Variants in PRKCB observed in about 807,000 individuals in gnomAD.
PRKCB encodes protein kinase C beta type.
Under a neutral mutation model 81.5 loss-of-function variants are expected in PRKCB, and 13 were observed. The ratio of observed to expected loss-of-function variants is 0.16; its 90% confidence interval spans 0.10 to 0.25. The LOEUF is 0.25. Ranked by LOEUF, PRKCB falls within the 10% of genes least tolerant of loss-of-function variation. The pLI, the probability that PRKCB is intolerant of heterozygous loss-of-function variation, is 1.00. For synonymous variants in PRKCB, 335 were observed against 321.4 expected (o/e 1.04, Z -0.45); for missense variants, 509 against 875.7 (o/e 0.58, Z 5.29).
At chr16:24,058,126 G>A (rs1965927906) in intron 5 of PRKCB, among the ~76,000 whole-genome samples, 1 of 152,066 alleles carries the variant, frequency 6.6e-6, no homozygotes, top group Non-Finnish European at 1.5e-5. Context: ...AGCTTGGGTT[G>A]CTTTTCCTTG....
chr16:24,065,159 A>G (rs949520069), intron 5 of PRKCB, among the ~76,000 whole-genome samples: 5 of 151,018 alleles, frequency 3.3e-5, no homozygotes, highest in Admixed American at 1.3e-4. Context: ...CAGTCTGACA[A>G]TAGTTGATTT....
chr16:24,196,056 C>G (rs995340637), intron 16 of PRKCB, among the ~76,000 whole-genome samples: 1 of 152,196 alleles, frequency 6.6e-6, no homozygotes, highest in South Asian at 2.1e-4. Context: ...CTTGTTGATT[C>G]CTGAGTAGAT....
At chr16:23,966,049 G>T (rs1186204102) in intron 2 of PRKCB, among the ~76,000 whole-genome samples, 3 of 152,172 alleles carry the variant, frequency 2.0e-5, no homozygotes, top group African/African-American at 7.2e-5. Flanking sequence ...GGGGTAAGAG[G>T]GCCATTAAGC....
chr16:24,001,184 T>G (rs1965029910), intron 3 of PRKCB, among the ~76,000 whole-genome samples: 1 of 152,184 alleles, frequency 6.6e-6, no homozygotes, highest in African/African-American at 2.4e-5. Context: ...ATAGCTAACT[T>G]TATTGAACAG....
intron 3 of PRKCB, among the ~76,000 whole-genome samples, chr16:24,011,822 G>C (rs914098815): frequency 4.6e-5 from 7 of 152,176 alleles, no homozygotes; most frequent in African/African-American, 1.7e-4. Context: ...TGACCTCTCT[G>C]TTCCTGTTTC....
intron 2 of PRKCB, among the ~76,000 whole-genome samples, chr16:23,933,902 CCCAT>C (rs200319303): frequency 4.5e-5 from 6 of 132,584 alleles, no homozygotes; most frequent in East Asian, 2.3e-4. Context: ...CAATTTTCTA[CCCAT>C]CCATCCATCC....
intron 3 of PRKCB, among the ~76,000 whole-genome samples, chr16:24,013,781 CA>C (rs35383807): frequency 1.6e-3 from 221 of 137,960 alleles, no homozygotes; most frequent in African/African-American, 3.0e-3. Context: ...TGTGGAATTG[CA>C]AAAAAAAAAA....
chr16:24,122,252 G>A (rs1292545613), intron 8 of PRKCB, among the ~76,000 whole-genome samples: 1 of 152,072 alleles, frequency 6.6e-6, no homozygotes, highest in Non-Finnish European at 1.5e-5. Flanking sequence ...CATGTTTGGT[G>A]CATTCAGAGA....
Position 24,022,653 on chromosome 16 carries a change from G to A in PRKCB, c.289-9483G>A, listed in dbSNP as rs562299303. On this transcript the variant is annotated intron_variant, in intron 3 of 16. Coordinates refer to ENST00000643927, the MANE Select transcript of PRKCB (RefSeq NM_002738.7). Reference sequence around the variant, plus strand: ...ACTAGAGGTGCATGCCGCCACGCCCGGCTAATTCTTTTTGTATTTTTAGTA... The same window carrying A: ...ACTAGAGGTGCATGCCGCCACGCCCAGCTAATTCTTTTTGTATTTTTAGTA... 4.5e-3 allele frequency among the ~76,000 whole-genome samples: 682 copies of A among 152,014 alleles called. 6 individuals carry two copies. Among genetic ancestry groups the A allele is most frequent in the Non-Finnish European group, 5.1e-3 (350 of 67,972 alleles).
At chr16:24,008,989 T>C (rs1032192521) in intron 3 of PRKCB, among the ~76,000 whole-genome samples, 4 of 152,220 alleles carry the variant, frequency 2.6e-5, no homozygotes, top group Non-Finnish European at 4.4e-5. Flanking sequence ...TTTACCATAA[T>C]GTCCTCAGGG....
At position 23,999,674 on chromosome 16, in the gene PRKCB, C is replaced by T. The variant is rs569812289; in HGVS notation, c.288+11084C>T. ...TCTTAGAGAGACCAGGTCTCTGGTA[C>T]TGTCATAAGCATTACTTATGGACAT... On this transcript the variant is annotated intron_variant, in intron 3 of 16. Coordinates refer to ENST00000643927, the MANE Select transcript of PRKCB (RefSeq NM_002738.7). Among the ~76,000 whole-genome samples, 9 of 152,316 alleles carry T rather than the reference C, an allele frequency of 5.9e-5. No individual in the cohort carries two copies. The South Asian group carries it at 1.7e-3, about 28-fold the overall frequency.
At chr16:24,058,434 A>G (rs949231923) in intron 5 of PRKCB, among the ~76,000 whole-genome samples, 1 of 152,048 alleles carries the variant, frequency 6.6e-6, no homozygotes, top group East Asian at 1.9e-4. Context: ...AAAAAAAACC[A>G]AAAACGGTGG....
intron 8 of PRKCB, 78 bp downstream of exon 8, chr16:24,113,147 CT>C (rs1229787461): frequency 9.9e-7 from 1 of 1,014,534 alleles, no homozygotes; most frequent in Admixed American, 2.7e-5. Flanking sequence ...CCTCCTCTTT[CT>C]TTCTCTTTCT....
In PRKCB at chr16:24,180,794, C is replaced by G; in HGVS notation, c.1399C>G (p.Leu467Val). The change falls in exon 13 of 17, where the codon CTA becomes GTA. Residue 467 changes from leucine (L) to valine (V), a missense_variant. Transcript: ENST00000643927. ...AAATTCTTGTGTCTGCCATAGTGAC[C>G]TAAAACTTGACAACGTGATGCTCGA... Reference protein sequence around the residue: ...LQSKGIIYRDLKLDNVMLDSE... With the variant: ...LQSKGIIYRDVKLDNVMLDSE... 1 of 1,613,900 alleles carries G rather than the reference C, an allele frequency of 6.2e-7. No homozygotes were observed. Among genetic ancestry groups the G allele is most frequent in the Non-Finnish European group, 8.5e-7 (1 of 1,179,882 alleles).
At chr16:24,185,212 C>G (rs1224444577) in intron 14 of PRKCB, 21 bp downstream of exon 14, 1 of 1,602,454 alleles carries the variant, frequency 6.2e-7, no homozygotes, top group Non-Finnish European at 8.5e-7. Flanking sequence ...TTTAAGTGAT[C>G]GATAAGAGAA....
intron 12 of PRKCB, among the ~76,000 whole-genome samples, chr16:24,180,046 G>A (rs1470682595): frequency 1.3e-5 from 2 of 152,064 alleles, no homozygotes; most frequent in African/African-American, 2.4e-5. Context: ...CCAGGTTCAA[G>A]CTATTCTCCT....
Position 24,218,698 on chromosome 16 carries a change from T to C in PRKCB, c.*3882T>C. Reference sequence around the variant, plus strand: ...CCATTAGGGGGCTAAACCTAAAGCCTGGGTGGTGATGGCTCAAACGCTAAT... The same window carrying C: ...CCATTAGGGGGCTAAACCTAAAGCCCGGGTGGTGATGGCTCAAACGCTAAT... On this transcript the variant is annotated 3_prime_UTR_variant, in exon 17 of 17. Coordinates refer to ENST00000643927, the MANE Select transcript of PRKCB (RefSeq NM_002738.7). 1 of 985,460 alleles carries C rather than the reference T, an allele frequency of 1.0e-6. No individual in the cohort carries two copies. The highest frequency in any genetic ancestry group is 1.2e-6 in the Non-Finnish European group (1 of 829,956). The allele number at this position is 985,460 out of a possible 1,614,324, so 61.0% of individuals were successfully genotyped here. A position where few individuals can be genotyped will look rare whatever the true frequency, so the allele number is the denominator to read the frequency against.
chr16:24,203,746 C>G (rs187421634), intron 16 of PRKCB, among the ~76,000 whole-genome samples: 6 of 152,180 alleles, frequency 3.9e-5, no homozygotes, highest in South Asian at 2.1e-4. Flanking sequence ...AAATGCCCCC[C>G]CAAATGGCAT....
intron 9 of PRKCB, among the ~76,000 whole-genome samples, chr16:24,133,453 C>T (rs1966856519): frequency 6.6e-6 from 1 of 152,228 alleles, no homozygotes; most frequent in African/African-American, 2.4e-5. Flanking sequence ...CTCTGCCCTT[C>T]TGACCTCCTC....
Sources: allele counts gnomAD v4.1 joint callset (sites outside exome capture counted in the v4.1 genomes callset), GRCh38; gene constraint gnomAD v4.1.1; transcripts MANE v1.5; gene names NCBI Gene and HGNC (gene_info 2026-07-23, HGNC 2026-07-21).